PTPRM: variants seen among roughly 807,000 people sequenced by gnomAD.
PTPRM encodes receptor-type tyrosine-protein phosphatase mu.
PTPRM carries 47 observed loss-of-function variants against 186.7 expected under a neutral mutation model. The ratio of observed to expected loss-of-function variants is 0.25; its 90% CI spans 0.20 to 0.32. PTPRM has a LOEUF of 0.32. PTPRM is among the 10% of genes least tolerant of loss of function. The pLI, the probability that PTPRM is intolerant of heterozygous loss-of-function variation, is 1.00. For missense variants in PTPRM, 1,494 were observed against 1,865.0 expected (o/e 0.80, Z 3.66); for synonymous variants, 668 against 674.9 (o/e 0.99, Z 0.16).
chr18:7,635,563 C>T (rs1326341735), intron 1 of PTPRM, among the ~76,000 whole-genome samples: 1 of 152,068 alleles, frequency 6.6e-6, no homozygotes, highest in Non-Finnish European at 1.5e-5. Context: ...GCTAAGTGTC[C>T]TTTAATATTG....
At chr18:7,766,549 T>C (rs1192243736) in intron 1 of PTPRM, among the ~76,000 whole-genome samples, 1 of 152,196 alleles carries the variant, frequency 6.6e-6, no homozygotes, top group Non-Finnish European at 1.5e-5. Flanking sequence ...TGATTGGCCG[T>C]GAAAGTTATT....
At chr18:7,806,808 C>G (rs969383734) in intron 2 of PTPRM, among the ~76,000 whole-genome samples, 1 of 152,202 alleles carries the variant, frequency 6.6e-6, no homozygotes, top group Non-Finnish European at 1.5e-5. Flanking sequence ...GGGTAATACA[C>G]CAGCTGGTAA....
At chr18:8,014,988 G>A (rs1344865130) in intron 7 of PTPRM, among the ~76,000 whole-genome samples, 2 of 152,044 alleles carry the variant, frequency 1.3e-5, no homozygotes, top group Non-Finnish European at 2.9e-5. Flanking sequence ...TGGGACTATT[G>A]TTTGGCTGCG....
intron 11 of PTPRM, among the ~76,000 whole-genome samples, chr18:8,091,662 T>A (rs1314524234): frequency 6.6e-6 from 1 of 151,750 alleles, no homozygotes; most frequent in East Asian, 1.9e-4. Context: ...ATAATTGGAC[T>A]GATTATCTGT....
chr18:7,787,576 G>T (rs1003247388), intron 2 of PTPRM, among the ~76,000 whole-genome samples: 3 of 152,170 alleles, frequency 2.0e-5, no homozygotes, highest in African/African-American at 7.2e-5. Flanking sequence ...GCATTGAGAC[G>T]CTTTTAGCCC....
intron 6 of PTPRM, among the ~76,000 whole-genome samples, chr18:7,951,002 C>T (rs559928258): frequency 1.3e-5 from 2 of 152,278 alleles, no homozygotes; most frequent in East Asian, 1.9e-4. Context: ...CCTCGAGAAT[C>T]GTCTGCAGCA....
intron 7 of PTPRM, among the ~76,000 whole-genome samples, chr18:8,000,638 C>T (rs1455109984): frequency 6.6e-6 from 1 of 152,160 alleles, no homozygotes; most frequent in African/African-American, 2.4e-5. Context: ...TTTATGTTCA[C>T]GGACATTAGT....
Position 7,965,884 on chromosome 18 carries a change from C to T in PTPRM, c.1132+10470C>T, listed in dbSNP as rs2054008934. Reference sequence around the variant, plus strand: ...CGAAATGTGGGCTCACTGGGACATACTCAGTGGCATCTGGCCTCCAGTTAG... The same window carrying T: ...CGAAATGTGGGCTCACTGGGACATATTCAGTGGCATCTGGCCTCCAGTTAG... On this transcript the variant is annotated intron_variant, in intron 7 of 32. Transcript: ENST00000580170. Among the ~76,000 whole-genome samples, 2 of 152,192 alleles carry T rather than the reference C, an allele frequency of 1.3e-5. 1 individual carries two copies. The highest frequency in any genetic ancestry group is 4.1e-4 in the South Asian group (2 of 4,826).
chr18:7,625,239 T>G (rs1407980600), intron 1 of PTPRM, among the ~76,000 whole-genome samples: 1 of 152,188 alleles, frequency 6.6e-6, no homozygotes, highest in African/African-American at 2.4e-5. Context: ...GATAGGAAAG[T>G]AGTTAAAACA....
rs376594496 is a variant in PTPRM, at chr18:7,596,427, G to A, written c.73+28536G>A. ...CACCTGACTTCATCTTATCCCATGG[G>A]CATTTCATCATCTCACATCATCACA... On this transcript the variant is annotated intron_variant, in intron 1 of 32. Coordinates refer to ENST00000580170, the MANE Select transcript of PTPRM (RefSeq NM_001105244.2). Among the ~76,000 whole-genome samples the A allele has an allele frequency of 2.1e-4, 32 of 152,244 alleles. No individual in the cohort carries two copies. The South Asian group carries it at 6.4e-3, about 31-fold the overall frequency.
At chr18:8,247,818 C>T (rs553924583) in intron 15 of PTPRM, 27 bp from the exon 16 acceptor site, 3 of 1,536,856 alleles carry the variant, frequency 2.0e-6, no homozygotes, top group Non-Finnish European at 2.7e-6. Context: ...CTCTGCTGCC[C>T]CTGACCAGCC....
chr18:8,366,131 A>G (rs967741465), intron 23 of PTPRM, among the ~76,000 whole-genome samples: 4 of 152,152 alleles, frequency 2.6e-5, no homozygotes, highest in African/African-American at 9.7e-5. Flanking sequence ...CAAATTTGGG[A>G]ACTGCTGACT....
intron 26 of PTPRM, 157 bp downstream of exon 26, chr18:8,376,754 C>G: frequency 6.2e-6 from 6 of 967,428 alleles, no homozygotes; most frequent in Non-Finnish European, 8.7e-6. Flanking sequence ...TCCCTTCCCC[C>G]TTTTTGTTTT....
intron 2 of PTPRM, among the ~76,000 whole-genome samples, chr18:7,812,834 GCA>G (rs902259531): frequency 6.6e-6 from 1 of 152,076 alleles, no homozygotes; most frequent in African/African-American, 2.4e-5. Flanking sequence ...AAGTGCCACT[GCA>G]CAGTGTATGA....
At chr18:8,322,644 C>G (rs2095352880) in intron 22 of PTPRM, among the ~76,000 whole-genome samples, 1 of 152,102 alleles carries the variant, frequency 6.6e-6, no homozygotes, top group Non-Finnish European at 1.5e-5. Flanking sequence ...GGCAGAAGAG[C>G]ATGCAAGTGG....
intron 1 of PTPRM, among the ~76,000 whole-genome samples, chr18:7,611,601 G>A (rs552131385): frequency 9.2e-5 from 14 of 152,276 alleles, no homozygotes; most frequent in Admixed American, 3.9e-4. Context: ...ATATGGTTAG[G>A]CTGTGTCCCC....
At chr18:7,826,130 G>T (rs9954285) in intron 2 of PTPRM, among the ~76,000 whole-genome samples, 4,471 of 152,276 alleles carry the variant, frequency 0.029, 196 homozygotes, top group African/African-American at 0.1. Flanking sequence ...CACTGAGTGA[G>T]GCTCTGTTAG....
intron 14 of PTPRM, among the ~76,000 whole-genome samples, chr18:8,179,687 C>T (rs1160986612): frequency 1.3e-5 from 2 of 152,032 alleles, no homozygotes; most frequent in African/African-American, 4.8e-5. Context: ...CCAGGATGGT[C>T]TTGATCTCTT....
intron 7 of PTPRM, among the ~76,000 whole-genome samples, chr18:7,988,013 CAAAA>C (rs57611700): frequency 0.043 from 4,840 of 112,390 alleles, 197 homozygotes; most frequent in African/African-American, 0.14. Flanking sequence ...CCTGTGTCTA[CAAAA>C]AAAAAAAAAA....
Sources: allele counts gnomAD v4.1 joint callset (sites outside exome capture counted in the v4.1 genomes callset), GRCh38; gene constraint gnomAD v4.1.1; transcripts MANE v1.5; gene names NCBI Gene and HGNC (gene_info 2026-07-23, HGNC 2026-07-21).